The following LINGO2 variants were observed in gnomAD, a reference collection of about 807,000 sequenced individuals.
The protein encoded by LINGO2 is leucine rich repeat and Ig domain containing 2.
Under a neutral mutation model 30.6 loss-of-function variants are expected in LINGO2, and 14 were observed. That is an observed-to-expected ratio of 0.46 (90% CI 0.30 to 0.72). LINGO2 has a LOEUF of 0.72. Ranked by LOEUF, LINGO2 falls within the 30% of genes least tolerant of loss-of-function variation. The pLI is 0.07. For synonymous variants in LINGO2, 317 were observed against 288.5 expected, an observed-to-expected ratio of 1.10 and a Z score of -1.00; for missense variants, 729 against 751.7, an observed-to-expected ratio of 0.97 and a Z score of 0.35.
chr9:29,117,752 C>CCG, the LINGO2 span, among the ~76,000 whole-genome samples: 2 of 152,166 alleles, frequency 1.3e-5, no homozygotes, highest in African/African-American at 4.8e-5. Flanking sequence ...TCATCTAATA[C>CCG]CGTGTTCAGT....
chr9:28,840,471 A>G, the LINGO2 span, among the ~76,000 whole-genome samples: 1 of 151,850 alleles, frequency 6.6e-6, no homozygotes, highest in Non-Finnish European at 1.5e-5. Context: ...CCATTCTTCT[A>G]TGACATAACA....
chr9:27,949,068 G>A, exon 6 of LINGO2: 1 of 1,614,166 alleles, frequency 6.2e-7, no homozygotes, highest in Non-Finnish European at 8.5e-7. Context: ...AAGGTCCAGG[G>A]AAAAAGTATT....
intron 1 of LINGO2, among the ~76,000 whole-genome samples, chr9:28,578,531 C>T (rs906065185): frequency 3.3e-5 from 5 of 152,054 alleles, no homozygotes; most frequent in South Asian, 2.1e-4. Context: ...AGAAATAAGA[C>T]GTCTCTTACA....
chr9:28,644,978 T>A (rs1827771553), intron 1 of LINGO2, among the ~76,000 whole-genome samples: 1 of 152,066 alleles, frequency 6.6e-6, no homozygotes, highest in Non-Finnish European at 1.5e-5. Flanking sequence ...AAATCCCAGA[T>A]GATTACAAGG....
intron 5 of LINGO2, among the ~76,000 whole-genome samples, chr9:28,008,299 A>C (rs1028374623): frequency 6.6e-6 from 1 of 152,154 alleles, no homozygotes. Flanking sequence ...TGTGTGTTAA[A>C]AATATACATC....
the LINGO2 span, among the ~76,000 whole-genome samples, chr9:29,141,209 T>C: frequency 6.6e-6 from 1 of 151,890 alleles, no homozygotes; most frequent in Non-Finnish European, 1.5e-5. Context: ...GACAGAAGTA[T>C]AAAAAAACTA....
At chr9:28,850,802 G>A in the LINGO2 span, among the ~76,000 whole-genome samples, 1 of 151,976 alleles carries the variant, frequency 6.6e-6, no homozygotes, top group Admixed American at 6.6e-5. Flanking sequence ...TTGAATAGGA[G>A]CATCCAATGA....
chr9:28,607,720 G>A (rs1825750389), intron 1 of LINGO2, among the ~76,000 whole-genome samples: 1 of 151,968 alleles, frequency 6.6e-6, no homozygotes, highest in African/African-American at 2.4e-5. Context: ...TCTTTCATGT[G>A]TCAAATCTGA....
At chr9:29,119,396 T>A in the LINGO2 span, among the ~76,000 whole-genome samples, 1 of 151,400 alleles carries the variant, frequency 6.6e-6, no homozygotes, top group Non-Finnish European at 1.5e-5. Flanking sequence ...AAATGAGCTA[T>A]CTGGCTTCAC....
chr9:28,455,672 T>C (rs547528604), intron 2 of LINGO2, among the ~76,000 whole-genome samples: 2 of 152,282 alleles, frequency 1.3e-5, no homozygotes, highest in East Asian at 3.9e-4. Flanking sequence ...TAGGCCATGC[T>C]ACTCTCTTGC....
chr9:28,053,068 A>C (rs13292951), intron 4 of LINGO2, among the ~76,000 whole-genome samples: 3,501 of 152,256 alleles, frequency 0.023, 77 homozygotes, highest in Non-Finnish European at 0.037. Context: ...ACAAAGCAGT[A>C]AACAGGCAAG....
intron 2 of LINGO2, among the ~76,000 whole-genome samples, chr9:28,470,315 G>A (rs1825470586): frequency 1.3e-5 from 2 of 152,112 alleles, no homozygotes; most frequent in Admixed American, 6.5e-5. Context: ...CTGATAATAT[G>A]GCTTCATAAG....
intron 2 of LINGO2, among the ~76,000 whole-genome samples, chr9:28,409,031 G>T (rs1298841007): frequency 2.0e-5 from 3 of 151,982 alleles, no homozygotes; most frequent in African/African-American, 7.2e-5. Context: ...CACAGGACAG[G>T]TTGTCAGTAA....
intron 5 of LINGO2, among the ~76,000 whole-genome samples, chr9:27,962,516 G>A (rs1819896612): frequency 6.6e-6 from 1 of 152,112 alleles, no homozygotes; most frequent in African/African-American, 2.4e-5. Flanking sequence ...GCCTGCTGTA[G>A]GCAAGGTCCC....
chr9:28,029,318 A>G (rs1325464072), intron 4 of LINGO2, among the ~76,000 whole-genome samples: 3 of 152,186 alleles, frequency 2.0e-5, no homozygotes, highest in Non-Finnish European at 4.4e-5. Flanking sequence ...CTGAATTTTA[A>G]CAAGCATCCC....
At chr9:28,639,952 C>A (rs1177921926) in intron 1 of LINGO2, among the ~76,000 whole-genome samples, 32 of 152,102 alleles carry the variant, frequency 2.1e-4, no homozygotes, top group Admixed American at 1.4e-3. Context: ...TTTGCAGTGG[C>A]TGGTACCGGT....
chr9:28,097,116 A>G (rs1826266305), intron 4 of LINGO2, among the ~76,000 whole-genome samples: 1 of 152,180 alleles, frequency 6.6e-6, no homozygotes, highest in Admixed American at 6.5e-5. Context: ...AGAGAAATGC[A>G]AATCAAAACC....
chr9:28,974,274 C>T, the LINGO2 span, among the ~76,000 whole-genome samples: 28 of 152,106 alleles, frequency 1.8e-4, no homozygotes, highest in African/African-American at 4.8e-4. Flanking sequence ...GGCGTGGTGG[C>T]GGGCACCTGT....
At chr9:28,936,705 G>A in the LINGO2 span, among the ~76,000 whole-genome samples, 31 of 152,030 alleles carry the variant, frequency 2.0e-4, no homozygotes, top group Admixed American at 4.6e-4. Context: ...TACATATAGG[G>A]CTTAAAATAT....
Sources: gnomAD v4.1 joint callset for allele counts (sites outside exome capture counted in the v4.1 genomes callset) on GRCh38, gnomAD v4.1.1 for gene constraint, MANE v1.5 for transcripts, NCBI Gene and HGNC (gene_info 2026-07-23, HGNC 2026-07-21) for gene names.